The following DNMT3B variants were observed in gnomAD, a reference collection of about 807,000 sequenced individuals.
DNMT3B encodes the protein DNA (cytosine-5)-methyltransferase 3B.
Under a neutral mutation model 120.2 loss-of-function variants are expected in DNMT3B, and 37 were observed. The observed-to-expected ratio is 0.31, with a 90% CI of 0.24 to 0.40. The LOEUF (loss-of-function observed/expected upper bound fraction) is 0.40, where lower values mean the gene tolerates loss of function less well. Ranked by LOEUF, DNMT3B falls within the 10% of genes least tolerant of loss-of-function variation. The pLI is 1.00. For synonymous variants in DNMT3B, 412 were observed against 442.8 expected (o/e 0.93, Z 0.87); for missense variants, 878 against 1,137.3 (o/e 0.77, Z 3.28).
chr20:32,764,395 G>T (rs1987172438), intron 1 of DNMT3B, among the ~76,000 whole-genome samples: 2 of 152,170 alleles, frequency 1.3e-5, no homozygotes, highest in South Asian at 4.1e-4. Context: ...TCAGCACATG[G>T]TGAGTGTTGA....
chr20:32,772,592 C>G (rs1601054457), intron 1 of DNMT3B, among the ~76,000 whole-genome samples: 1 of 152,090 alleles, frequency 6.6e-6, no homozygotes, highest in Non-Finnish European at 1.5e-5. Context: ...TTACCATTGA[C>G]CACTCCTTGG....
intron 21 of DNMT3B, 47 bp downstream of exon 21, chr20:32,805,454 A>C: frequency 6.2e-7 from 1 of 1,610,902 alleles, no homozygotes; most frequent in South Asian, 1.1e-5. Flanking sequence ...GGTGACCTCC[A>C]AGTGGGGACT....
chr20:32,801,672 A>T (rs1426722974), intron 19 of DNMT3B, among the ~76,000 whole-genome samples: 2 of 152,250 alleles, frequency 1.3e-5, no homozygotes, highest in East Asian at 3.9e-4. Flanking sequence ...GGAGCCTCAA[A>T]CAGCTGGGCT....
chr20:32,786,700 T>C, intron 5 of DNMT3B, 73 bp downstream of exon 5: 1 of 1,602,616 alleles, frequency 6.2e-7, no homozygotes, highest in Non-Finnish European at 8.5e-7. Flanking sequence ...ACTGCACTAC[T>C]GGTTGTGGCT....
At chr20:32,803,475 T>C (rs1981603482) in intron 20 of DNMT3B, among the ~76,000 whole-genome samples, 1 of 152,220 alleles carries the variant, frequency 6.6e-6, no homozygotes, top group Non-Finnish European at 1.5e-5. Flanking sequence ...GCCATGTCTG[T>C]GTCTGGAATT....
intron 1 of DNMT3B, among the ~76,000 whole-genome samples, chr20:32,767,795 G>C (rs1335768351): frequency 6.6e-6 from 1 of 152,206 alleles, no homozygotes. Context: ...TGTCTCCAGA[G>C]CAGCAGGCTG....
In DNMT3B at chr20:32,788,996, A is replaced by G; in HGVS notation, c.797A>G (p.Asp266Gly). The change falls in exon 7 of 23, where the codon GAT becomes GGT. Residue 266 changes from aspartate (D) to glycine (G), a missense_variant. Physicochemically the swap from Asp to Gly is moderately conservative, Grantham distance 94 (BLOSUM62 -1). This residue lies in a region of DNMT3B where 50 missense variants were observed against 89.7 expected (regional missense o/e 0.56). Transcript: ENST00000328111. Reference sequence around the variant, plus strand: ...ATGCGGTGGGTCCAGTGGTTTGGCGATGGCAAGTTCTCCGAGGTGAGTCCG... The same window carrying G: ...ATGCGGTGGGTCCAGTGGTTTGGCGGTGGCAAGTTCTCCGAGGTGAGTCCG... ...SGMRWVQWFG[D>G]GKFSEVSADK... 1 of 1,614,150 alleles carries G rather than the reference A, an allele frequency of 6.2e-7. No homozygotes were observed. Among genetic ancestry groups the G allele is most frequent in the Non-Finnish European group, 8.5e-7 (1 of 1,180,020 alleles).
intron 1 of DNMT3B, among the ~76,000 whole-genome samples, chr20:32,777,460 A>G (rs117105079): frequency 6.6e-6 from 1 of 151,994 alleles, no homozygotes; most frequent in African/African-American, 2.4e-5. Flanking sequence ...TGCCTGCGAA[A>G]CCCAGCACAC....
At chr20:32,787,981 G>A (rs912158225) in intron 6 of DNMT3B, among the ~76,000 whole-genome samples, 1 of 152,168 alleles carries the variant, frequency 6.6e-6, no homozygotes, top group Non-Finnish European at 1.5e-5. Context: ...GCCACGAGGA[G>A]CCAGGAAAAG....
At chr20:32,798,696 T>A (rs1568855166) in intron 15 of DNMT3B, 53 bp downstream of exon 15, 1 of 1,610,498 alleles carries the variant, frequency 6.2e-7, no homozygotes, top group East Asian at 2.2e-5. Flanking sequence ...GCACAGGGTG[T>A]TGGAAAGCTC....
chr20:32,799,374 G>C, intron 16 of DNMT3B, 46 bp downstream of exon 16: 1 of 1,585,758 alleles, frequency 6.3e-7, no homozygotes, highest in Non-Finnish European at 8.6e-7. Context: ...TGTCACAACA[G>C]GGTAGCCAGG....
intron 1 of DNMT3B, among the ~76,000 whole-genome samples, chr20:32,772,867 T>G (rs969448241): frequency 7.1e-5 from 10 of 141,574 alleles, no homozygotes; most frequent in Non-Finnish European, 1.5e-4. Flanking sequence ...TTTCCCTGTT[T>G]GGACACATTT....
chr20:32,805,986 A>G (rs1601140853), intron 21 of DNMT3B, among the ~76,000 whole-genome samples: 1 of 152,008 alleles, frequency 6.6e-6, no homozygotes, highest in Non-Finnish European at 1.5e-5. Context: ...GAAGCACAAA[A>G]TGTTCTTGTC....
In DNMT3B at chr20:32,805,410, A is replaced by G. The variant is rs780112683; in HGVS notation, c.2301+3A>G. On this transcript the variant is annotated splice_donor_region_variant and intron_variant, in intron 21 of 22. Transcript: ENST00000328111. ...TGGAATACAATAGGATAGCCAAGGTAAGACGAGCTGTGGCCCTCTGGAAAA... is the reference window on the plus strand; with the variant it reads ...TGGAATACAATAGGATAGCCAAGGTGAGACGAGCTGTGGCCCTCTGGAAAA... 1.9e-6 allele frequency: 3 copies of G among 1,614,024 alleles called. No individual in the cohort carries two copies. Among genetic ancestry groups the G allele is most frequent in the Admixed American group, 1.7e-5 (1 of 60,012 alleles).
At chr20:32,762,965 G>T (rs1431936350) in intron 1 of DNMT3B, among the ~76,000 whole-genome samples, 1 of 152,088 alleles carries the variant, frequency 6.6e-6, no homozygotes, top group South Asian at 2.1e-4. Context: ...AGGAAGGGAC[G>T]CGTCTGCTGC....
At chr20:32,763,685 C>A (rs1175958162) in intron 1 of DNMT3B, among the ~76,000 whole-genome samples, 1 of 152,150 alleles carries the variant, frequency 6.6e-6, no homozygotes, top group Non-Finnish European at 1.5e-5. Context: ...GCCCTTGGGC[C>A]CAGGCTTCCC....
At position 32,779,531 on chromosome 20, in the gene DNMT3B, G is replaced by A. The variant is rs933734740; in HGVS notation, c.-6-787G>A. On this transcript the variant is annotated intron_variant, in intron 1 of 22. Coordinates refer to ENST00000328111, the MANE Select transcript of DNMT3B (RefSeq NM_006892.4). The stretch of plus-strand genomic sequence containing the variant: ...CATCCGTATGGCCCTGGCCCTGTGT[G>A]TTAGCTGATTTACCTGACCAGGAGG... 3.3e-5 allele frequency among the ~76,000 whole-genome samples: 5 copies of A among 152,374 alleles called. No individual in the cohort carries two copies. In the South Asian group the frequency reaches 8.3e-4, roughly 25 times the overall value.
intron 10 of DNMT3B, among the ~76,000 whole-genome samples, chr20:32,794,179 A>G (rs749809340): frequency 1.3e-5 from 2 of 151,798 alleles, no homozygotes; most frequent in Non-Finnish European, 2.9e-5. Flanking sequence ...GGGCAACAGG[A>G]TGTAACCCTG....
At chr20:32,805,543 C>A in intron 21 of DNMT3B, 136 bp downstream of exon 21, 1 of 946,630 alleles carries the variant, frequency 1.1e-6, no homozygotes, top group Non-Finnish European at 1.7e-6. Flanking sequence ...CCCTCTCCCA[C>A]ATGATTGTTC....
Sources: gnomAD v4.1 joint callset for allele counts (sites outside exome capture counted in the v4.1 genomes callset) on GRCh38, gnomAD v4.1.1 for gene constraint, gnomAD v4.1.1 regional missense constraint, MANE v1.5 for transcripts, NCBI Gene and HGNC (gene_info 2026-07-23, HGNC 2026-07-21) for gene names.